CACNA1A: variants seen among roughly 807,000 people sequenced by gnomAD.
CACNA1A encodes the protein calcium voltage-gated channel subunit alpha1 A, also known as voltage-dependent P/Q-type calcium channel subunit alpha-1A.
A neutral mutation model predicts 262.4 loss-of-function variants in CACNA1A; 57 were observed. The ratio of observed to expected loss-of-function variants is 0.22; its 90% CI spans 0.18 to 0.27. CACNA1A has a LOEUF of 0.27. Ranked by LOEUF, CACNA1A falls within the 10% of genes least tolerant of loss-of-function variation. The probability of loss-of-function intolerance (pLI) is 1.00; values close to 1 mark genes in which losing one functional copy is unlikely to be tolerated. For missense variants in CACNA1A, 2,526 were observed against 3,562.8 expected (o/e 0.71, Z 7.41); for synonymous variants, 1,431 against 1,419.3 (o/e 1.01, Z -0.18).
chr19:13,309,709 A>G (rs2057978930), intron 12 of CACNA1A, among the ~76,000 whole-genome samples: 1 of 152,074 alleles, frequency 6.6e-6, no homozygotes, highest in South Asian at 2.1e-4. Flanking sequence ...AATAAAAAAT[A>G]AAATAAAATA....
Position 13,212,762 on chromosome 19 carries a change from A to G in CACNA1A, c.5941-22T>C, listed in dbSNP as rs1180633340. ...GGTCCTGGGGAATGGGGCAGAGAGC[A>G]GTGTGTGGACAAGGGTGGGGTGGTG... is the stretch of plus-strand genomic sequence containing the variant. On this transcript the variant is annotated intron_variant, in intron 40 of 46. Transcript: ENST00000360228. The surrounding 1 kb of genome is among the most constrained non-coding windows in gnomAD (Gnocchi z 5.6). 2 of 1,345,712 alleles carry G rather than the reference A, an allele frequency of 1.5e-6. No individual in the cohort carries two copies. Among genetic ancestry groups the G allele is most frequent in the Non-Finnish European group, 2.0e-6 (2 of 995,196 alleles). The allele number at this position is 1,345,712 out of a possible 1,614,324, so 83.4% of individuals were successfully genotyped here. A position where few individuals can be genotyped will look rare whatever the true frequency, so the allele number is the denominator to read the frequency against.
intron 3 of CACNA1A, among the ~76,000 whole-genome samples, chr19:13,438,696 C>T (rs954218074): frequency 2.0e-5 from 3 of 152,192 alleles, no homozygotes; most frequent in Non-Finnish European, 4.4e-5. Context: ...TGCCACCCTT[C>T]AGAATCATGA....
rs187000069 is a variant in CACNA1A at position 13,238,224 on chromosome 19, T to C, written c.4951-2494A>G. 2.0e-5 allele frequency among the ~76,000 whole-genome samples: 3 copies of C among 152,252 alleles called. No homozygotes were observed. The East Asian group carries it at 5.8e-4, about 29-fold the overall frequency. ...AGTTCCCTCTTCCTGCCTTCCACAT[T>C]TCAATCCATGGCTTGGGAGGTGCAG... On this transcript the variant is annotated intron_variant, in intron 31 of 46. Coordinates refer to ENST00000360228, the MANE Select transcript of CACNA1A (RefSeq NM_001127222.2).
intron 6 of CACNA1A, among the ~76,000 whole-genome samples, chr19:13,340,213 A>G (rs2058653886): frequency 6.6e-6 from 1 of 152,054 alleles, no homozygotes; most frequent in South Asian, 2.1e-4. Context: ...CGTCCATCTC[A>G]GGTGCTGCCA....
At chr19:13,412,270 G>C (rs2060123750) in intron 3 of CACNA1A, among the ~76,000 whole-genome samples, 1 of 151,742 alleles carries the variant, frequency 6.6e-6, no homozygotes, top group African/African-American at 2.4e-5. Flanking sequence ...GTGTTGCCCA[G>C]GCTAGACTTG....
At position 13,485,577 on chromosome 19, in the gene CACNA1A, C is replaced by T. The variant is rs570593980; in HGVS notation, c.293+20355G>A. 2.6e-5 allele frequency among the ~76,000 whole-genome samples: 4 copies of T among 152,114 alleles called. No individual in the cohort carries two copies. In the East Asian group the frequency reaches 7.7e-4, roughly 29 times the overall value. On this transcript the variant is annotated intron_variant, in intron 1 of 46. Coordinates refer to ENST00000360228, the MANE Select transcript of CACNA1A (RefSeq NM_001127222.2). The stretch of plus-strand genomic sequence containing the variant: ...AAAATGGACAGAGCATGTAGAGGCA[C>T]TTCACAAAAAAGCAAGCTTGAATAG...
intron 3 of CACNA1A, among the ~76,000 whole-genome samples, chr19:13,393,618 CT>C (rs540602476): frequency 1.6e-4 from 23 of 140,814 alleles, no homozygotes; most frequent in South Asian, 2.4e-4. Flanking sequence ...TCCTTCCTTC[CT>C]TTTTTTCTTT....
intron 24 of CACNA1A, 60 bp downstream of exon 24, chr19:13,275,790 G>A: frequency 8.7e-7 from 1 of 1,146,610 alleles, no homozygotes; most frequent in South Asian, 1.3e-5. Flanking sequence ...AATCCGATGT[G>A]TGGCCCAGGC....
chr19:13,310,471 A>ATATATAT (rs2058000618), intron 12 of CACNA1A, among the ~76,000 whole-genome samples: 2 of 41,460 alleles, frequency 4.8e-5, no homozygotes, highest in African/African-American at 2.7e-4. Context: ...AAAAAAAAAA[A>ATATATAT]AAAAAAAAAA....
intron 36 of CACNA1A, among the ~76,000 whole-genome samples, chr19:13,229,451 G>A (rs997044789): frequency 5.9e-5 from 9 of 152,174 alleles, no homozygotes; most frequent in Non-Finnish European, 1.2e-4. Flanking sequence ...CAATACACGT[G>A]CACAAGGTGG....
intron 3 of CACNA1A, among the ~76,000 whole-genome samples, chr19:13,380,101 T>C (rs542608897): frequency 2.4e-4 from 32 of 131,636 alleles, no homozygotes; most frequent in Non-Finnish European, 4.7e-4. Context: ...CTGGCCAATA[T>C]GGTGAAAACC....
chr19:13,412,290 G>A (rs1176453498), intron 3 of CACNA1A, among the ~76,000 whole-genome samples: 1 of 151,782 alleles, frequency 6.6e-6, no homozygotes, highest in Non-Finnish European at 1.5e-5. Flanking sequence ...GAACTCCTGG[G>A]CTCAAGCGAT....
At chr19:13,353,291 G>A (rs561887262) in intron 6 of CACNA1A, among the ~76,000 whole-genome samples, 2 of 140,572 alleles carry the variant, frequency 1.4e-5, no homozygotes, top group African/African-American at 5.3e-5. Flanking sequence ...GCTGATTTTT[G>A]TATTTTTGTT....
chr19:13,299,239 G>A lies in CACNA1A; in HGVS notation c.2394C>T (p.Asp798=). The A allele has an allele frequency of 1.2e-6, 2 of 1,609,470 alleles. No homozygotes were observed. Among genetic ancestry groups the A allele is most frequent in the East Asian group, 2.2e-5 (1 of 44,882 alleles). ...AGGCAGCCTTCCAGCGCTCGTCCGG[G>A]TCCATTTCGTTATACAGGGCCTCCC... is the stretch of plus-strand genomic sequence containing the variant. ...ASREALYNEM[D]PDERWKAAYT... is the part of the protein sequence containing the mutation. The change falls in exon 19 of 47, where the codon GAC becomes GAT. Residue 798 remains aspartate (D), a synonymous_variant. Transcript: ENST00000360228.
chr19:13,397,506 A>G (rs1173894625), intron 3 of CACNA1A, among the ~76,000 whole-genome samples: 4 of 152,204 alleles, frequency 2.6e-5, no homozygotes, highest in Non-Finnish European at 5.9e-5. Context: ...GTGAAGCTTG[A>G]TTCTCAGTGA....
At chr19:13,458,627 G>A (rs551193429) in intron 1 of CACNA1A, among the ~76,000 whole-genome samples, 13 of 152,262 alleles carry the variant, frequency 8.5e-5, no homozygotes, top group South Asian at 4.2e-4. Flanking sequence ...AGTTTGCATA[G>A]GTAAACTCCT....
At chr19:13,232,513 C>T (rs2055702232) in intron 34 of CACNA1A, among the ~76,000 whole-genome samples, 1 of 150,884 alleles carries the variant, frequency 6.6e-6, no homozygotes, top group South Asian at 2.1e-4. Context: ...GGGTGGATCA[C>T]GAGGTCAGGA....
chr19:13,382,218 G>A (rs2059536136), intron 3 of CACNA1A, among the ~76,000 whole-genome samples: 1 of 152,136 alleles, frequency 6.6e-6, no homozygotes, highest in Admixed American at 6.5e-5. Context: ...TTACAGCCTG[G>A]GGACAGCATT....
intron 37 of CACNA1A, 93 bp downstream of exon 37, chr19:13,227,338 C>A: frequency 3.6e-6 from 2 of 548,844 alleles, no homozygotes; most frequent in Non-Finnish European, 6.7e-6. Flanking sequence ...AGAGAGTCGG[C>A]CGGGTGTTTC....
Sources: allele counts gnomAD v4.1 joint callset (sites outside exome capture counted in the v4.1 genomes callset), GRCh38; gene constraint gnomAD v4.1.1; non-coding constraint Gnocchi (gnomAD v3.1); transcripts MANE v1.5; gene names NCBI Gene and HGNC (gene_info 2026-07-23, HGNC 2026-07-21).